The following PSPH variants were observed in gnomAD, a reference collection of about 807,000 sequenced individuals.
PSPH encodes the protein phosphoserine phosphatase.
Under a neutral mutation model 23.4 loss-of-function variants are expected in PSPH, and 16 were observed. The ratio of observed to expected loss-of-function variants is 0.68; its 90% CI spans 0.46 to 1.04. PSPH has a LOEUF of 1.04. Among genes scored for constraint, PSPH ranks in the 50% least tolerant of loss-of-function variants. The pLI is 0.00. For missense variants in PSPH, 223 were observed against 273.7 expected (o/e 0.81, Z 1.31); for synonymous variants, 68 against 99.7 (o/e 0.68, Z 1.89).
At chr7:56,013,061 A>ATATATACACACATATATGTATG (rs2116461822) in intron 7 of PSPH, among the ~76,000 whole-genome samples, 1 of 79,390 alleles carries the variant, frequency 1.3e-5, no homozygotes, top group South Asian at 3.3e-4. Flanking sequence ...ATATATGTAT[A>ATATATACACACATATATGTATG]TGTGTATGTA....
At chr7:56,034,808 G>T (rs1391922406) in intron 1 of PSPH, among the ~76,000 whole-genome samples, 1 of 152,298 alleles carries the variant, frequency 6.6e-6, no homozygotes, top group Middle Eastern at 3.4e-3. Context: ...GAGCCACCAC[G>T]CCCGGCCAAG....
chr7:56,023,007 C>T (rs1313300608), intron 3 of PSPH, among the ~76,000 whole-genome samples: 1 of 151,860 alleles, frequency 6.6e-6, no homozygotes, highest in Non-Finnish European at 1.5e-5. Flanking sequence ...TGCAGTGAGC[C>T]AAGATCACGC....
At chr7:56,043,662 A>G (rs1359812816) in intron 1 of PSPH, among the ~76,000 whole-genome samples, 4 of 35,004 alleles carry the variant, frequency 1.1e-4, no homozygotes, top group African/African-American at 4.4e-4. Context: ...CACCCACCCC[A>G]ACCCCTGTCT....
At chr7:56,023,432 A>C (rs1364965179) in intron 3 of PSPH, among the ~76,000 whole-genome samples, 1 of 150,742 alleles carries the variant, frequency 6.6e-6, no homozygotes, top group Non-Finnish European at 1.5e-5. Flanking sequence ...CTAATTTATA[A>C]ATTTTTTTTT....
At chr7:56,031,847 G>A (rs536930759) in intron 3 of PSPH, 82 bp downstream of exon 3, 1 of 153,462 alleles carries the variant, frequency 6.5e-6, no homozygotes, top group Non-Finnish European at 1.5e-5. Flanking sequence ...ATAGACAAAC[G>A]TGTAACAGTT....
At chr7:56,021,606 G>GTT (rs1283458122) in intron 3 of PSPH, among the ~76,000 whole-genome samples, 2 of 139,556 alleles carry the variant, frequency 1.4e-5, no homozygotes, top group East Asian at 4.7e-4. Flanking sequence ...TATATATATA[G>GTT]TTGTTTTTTT....
chr7:56,031,676 G>T (rs528740875), intron 3 of PSPH, among the ~76,000 whole-genome samples: 37 of 152,154 alleles, frequency 2.4e-4, no homozygotes, highest in African/African-American at 8.2e-4. Context: ...AGCCAGGTGT[G>T]GTGGCCCACA....
At chr7:56,038,393 A>C (rs1247666358) in intron 1 of PSPH, among the ~76,000 whole-genome samples, 1 of 152,100 alleles carries the variant, frequency 6.6e-6, no homozygotes, top group South Asian at 2.1e-4. Flanking sequence ...CAAGAGGCGG[A>C]GCTTGCAGTG....
intron 3 of PSPH, among the ~76,000 whole-genome samples, chr7:56,031,530 T>C (rs1206142527): frequency 6.6e-6 from 1 of 152,086 alleles, no homozygotes; most frequent in African/African-American, 2.4e-5. Flanking sequence ...AGTAAACTGC[T>C]GGCCGGGTGC....
intron 1 of PSPH, among the ~76,000 whole-genome samples, chr7:56,034,638 C>A (rs1791485712): frequency 6.6e-6 from 1 of 152,098 alleles, no homozygotes; most frequent in African/African-American, 2.4e-5. Flanking sequence ...GCCTCAGCCA[C>A]CCAAGTAGCC....
chr7:56,031,253 A>C (rs1024360447), intron 3 of PSPH, among the ~76,000 whole-genome samples: 21 of 152,042 alleles, frequency 1.4e-4, no homozygotes, highest in Non-Finnish European at 2.1e-4. Flanking sequence ...AACAAACAAA[A>C]AAAACTGAGG....
At chr7:56,049,766 A>C (rs767276428) in intron 1 of PSPH, among the ~76,000 whole-genome samples, 6 of 146,332 alleles carry the variant, frequency 4.1e-5, no homozygotes, top group Non-Finnish European at 9.0e-5. Flanking sequence ...TTTTTTGAGG[A>C]ATCTCGCTCT....
intron 6 of PSPH, 32 bp downstream of exon 6, chr7:56,017,202 A>C: frequency 6.2e-7 from 1 of 1,613,646 alleles, no homozygotes; most frequent in Non-Finnish European, 8.5e-7. Flanking sequence ...GGAACTGCTA[A>C]GAAAGGGAAC....
intron 1 of PSPH, among the ~76,000 whole-genome samples, chr7:56,040,109 AT>A (rs976521674): frequency 2.0e-5 from 3 of 151,938 alleles, no homozygotes; most frequent in African/African-American, 4.8e-5. Flanking sequence ...AAAAAAAAAA[AT>A]ACCAATACAT....
intron 1 of PSPH, among the ~76,000 whole-genome samples, chr7:56,038,318 G>C (rs1212548916): frequency 6.6e-5 from 10 of 151,438 alleles, no homozygotes; most frequent in Admixed American, 3.3e-4. Flanking sequence ...AATTAGCCGG[G>C]CGTAGTGGTG....
At chr7:56,043,499 T>A (rs1356170132) in intron 1 of PSPH, among the ~76,000 whole-genome samples, 1 of 151,256 alleles carries the variant, frequency 6.6e-6, no homozygotes, top group Middle Eastern at 3.4e-3. Flanking sequence ...TAAAAATAAA[T>A]AAATAAATAA....
Position 56,041,139 on chromosome 7 carries a change from G to A in PSPH, c.-291-7033C>T, listed in dbSNP as rs527968424. ...AACACTTTGGGAGGCCAAGGCGAGA[G>A]GATTGCTTGAGCCCAGGAATGCAAG... On this transcript the variant is annotated intron_variant, in intron 1 of 7. Transcript: ENST00000275605. Among the ~76,000 whole-genome samples the A allele has an allele frequency of 3.3e-5, 5 of 151,898 alleles. No individual in the cohort carries two copies. In the East Asian group the frequency reaches 9.7e-4, roughly 30 times the overall value.
chr7:56,040,703 T>C (rs558868735), intron 1 of PSPH, among the ~76,000 whole-genome samples: 1 of 151,984 alleles, frequency 6.6e-6, no homozygotes, highest in South Asian at 2.1e-4. Context: ...TCAACGAAAC[T>C]AGAAGACAAA....
intron 4 of PSPH, chr7:56,019,952 A>C (rs1789115012): frequency 1.5e-6 from 1 of 648,220 alleles, no homozygotes; most frequent in South Asian, 1.7e-5. Context: ...GCAGTGACTC[A>C]TGCCCATAAT....
Sources: gnomAD v4.1 joint callset for allele counts (sites outside exome capture counted in the v4.1 genomes callset) on GRCh38, gnomAD v4.1.1 for gene constraint, MANE v1.5 for transcripts, NCBI Gene and HGNC (gene_info 2026-07-23, HGNC 2026-07-21) for gene names.